NRCAM: variants seen among roughly 807,000 people sequenced by gnomAD.
The protein encoded by NRCAM is NgCAM-related cell adhesion molecule.
Under a neutral mutation model 156.5 loss-of-function variants are expected in NRCAM, and 83 were observed. That is an observed-to-expected ratio of 0.53 (90% CI 0.44 to 0.64). The LOEUF (loss-of-function observed/expected upper bound fraction) is 0.64, where lower values mean the gene tolerates loss of function less well. Ranked by LOEUF, NRCAM falls within the 30% of genes least tolerant of loss-of-function variation. The pLI, the probability that NRCAM is intolerant of heterozygous loss-of-function variation, is 0.00. For synonymous variants in NRCAM, 538 were observed against 563.9 expected, an observed-to-expected ratio of 0.95 and a Z score of 0.65; for missense variants, 1,417 against 1,597.3, an observed-to-expected ratio of 0.89 and a Z score of 1.92.
chr7:108,358,457 T>A (rs574650279), intron 2 of NRCAM, among the ~76,000 whole-genome samples: 15 of 128,854 alleles, frequency 1.2e-4, no homozygotes, highest in African/African-American at 3.6e-4. Context: ...CCAGTATTCC[T>A]ACGTATTTTT....
intron 2 of NRCAM, among the ~76,000 whole-genome samples, chr7:108,322,541 G>A (rs1443038705): frequency 1.3e-5 from 2 of 152,042 alleles, no homozygotes; most frequent in Non-Finnish European, 2.9e-5. Context: ...GAACCAAATG[G>A]AACTTTTTGA....
chr7:108,391,004 G>A (rs1382032860), intron 2 of NRCAM, among the ~76,000 whole-genome samples: 1 of 152,142 alleles, frequency 6.6e-6, no homozygotes, highest in African/African-American at 2.4e-5. Flanking sequence ...TATATGGTCA[G>A]TTTTGGAATA....
intron 30 of NRCAM, among the ~76,000 whole-genome samples, chr7:108,161,342 T>C (rs1007281751): frequency 2.0e-5 from 3 of 152,208 alleles, no homozygotes; most frequent in Non-Finnish European, 2.9e-5. Context: ...CCATCAGTCA[T>C]AATATGCAAA....
intron 2 of NRCAM, among the ~76,000 whole-genome samples, chr7:108,315,472 T>C (rs1183879209): frequency 6.6e-6 from 1 of 152,200 alleles, no homozygotes; most frequent in Non-Finnish European, 1.5e-5. Flanking sequence ...AGTTCTCCCA[T>C]TACAGCAGCC....
At chr7:108,152,730 A>G (rs559188613) in intron 32 of NRCAM, among the ~76,000 whole-genome samples, 42 of 152,282 alleles carry the variant, frequency 2.8e-4, no homozygotes, top group Admixed American at 9.8e-4. Context: ...GTTGCAGCAG[A>G]GACCGCGCGG....
At chr7:108,331,189 A>G (rs1042783994) in intron 2 of NRCAM, among the ~76,000 whole-genome samples, 1 of 152,132 alleles carries the variant, frequency 6.6e-6, no homozygotes, top group Non-Finnish European at 1.5e-5. Context: ...GCTTGAGCCC[A>G]GGGGTCCAAG....
chr7:108,238,792 T>G (rs563710936), intron 4 of NRCAM, among the ~76,000 whole-genome samples: 1 of 152,100 alleles, frequency 6.6e-6, no homozygotes, highest in East Asian at 1.9e-4. Flanking sequence ...ACTGGATGAA[T>G]TTTTTTTAAA....
In NRCAM at chr7:108,381,665, T is replaced by C. The variant is rs187401174; in HGVS notation, c.-174+17771A>G. Among the ~76,000 whole-genome samples the C allele has an allele frequency of 1.6e-3, 239 of 151,776 alleles. 1 individual carries two copies. In the Middle Eastern group the frequency reaches 0.017, roughly 11 times the overall value. Reference sequence around the variant, plus strand: ...ACCTCCGCCTCCCAGGTTCAAGAGATTCTCCTGCCTCAGGCTCCCAAGTAG... The same window carrying C: ...ACCTCCGCCTCCCAGGTTCAAGAGACTCTCCTGCCTCAGGCTCCCAAGTAG... On this transcript the variant is annotated intron_variant, in intron 2 of 32. Transcript: ENST00000379028.
At chr7:108,176,348 G>A (rs1352712782) in intron 27 of NRCAM, 82 bp downstream of exon 27, 3 of 1,259,090 alleles carry the variant, frequency 2.4e-6, no homozygotes, top group Non-Finnish European at 3.4e-6. Flanking sequence ...ACGTTCCATA[G>A]CAAGAAGGAA....
chr7:108,338,888 A>T (rs1348262189), intron 2 of NRCAM, among the ~76,000 whole-genome samples: 3 of 152,306 alleles, frequency 2.0e-5, no homozygotes, highest in East Asian at 1.9e-4. Context: ...CCTATAAAAA[A>T]TCCTTAACCC....
At chr7:108,290,017 C>T (rs2098238773) in intron 3 of NRCAM, among the ~76,000 whole-genome samples, 2 of 152,120 alleles carry the variant, frequency 1.3e-5, no homozygotes, top group Admixed American at 1.3e-4. Flanking sequence ...ACTTTTGGAG[C>T]AAGCCTATGG....
At chr7:108,166,582 C>T (rs1000956308) in intron 30 of NRCAM, among the ~76,000 whole-genome samples, 8 of 152,144 alleles carry the variant, frequency 5.3e-5, no homozygotes, top group African/African-American at 1.9e-4. Flanking sequence ...CTTTCATCTT[C>T]AAAAGCACTT....
At chr7:108,340,499 T>C (rs1367594212) in intron 2 of NRCAM, among the ~76,000 whole-genome samples, 5 of 152,114 alleles carry the variant, frequency 3.3e-5, no homozygotes, top group African/African-American at 1.2e-4. Flanking sequence ...GCCCGAGAGT[T>C]TGGCGATCTC....
At chr7:108,231,691 G>C (rs13223414) in intron 7 of NRCAM, among the ~76,000 whole-genome samples, 5,916 of 152,216 alleles carry the variant, frequency 0.039, 192 homozygotes, top group Non-Finnish European at 0.06. Flanking sequence ...TATTTCAGCA[G>C]TAGTTATTTC....
At chr7:108,215,814 T>C (rs993647026) in intron 11 of NRCAM, among the ~76,000 whole-genome samples, 19 of 151,496 alleles carry the variant, frequency 1.3e-4, no homozygotes, top group Admixed American at 1.3e-3. Flanking sequence ...TATTTGCACA[T>C]GAGGCTGGTC....
At chr7:108,296,855 C>T (rs1288200634) in intron 3 of NRCAM, among the ~76,000 whole-genome samples, 1 of 151,980 alleles carries the variant, frequency 6.6e-6, no homozygotes, top group African/African-American at 2.4e-5. Flanking sequence ...ATCCTTCTCC[C>T]CAAATAATCC....
chr7:108,254,545 A>G (rs989379513), intron 3 of NRCAM, among the ~76,000 whole-genome samples: 3 of 118,452 alleles, frequency 2.5e-5, no homozygotes, highest in Admixed American at 7.7e-5. Context: ...TGAAAAAACA[A>G]TTTTGCTTTT....
intron 17 of NRCAM, 130 bp downstream of exon 17, chr7:108,193,892 ATC>A: frequency 1.2e-6 from 1 of 815,122 alleles, no homozygotes; most frequent in East Asian, 2.7e-5. Flanking sequence ...GAAAATGCTT[ATC>A]TCTCTATTTT....
intron 2 of NRCAM, among the ~76,000 whole-genome samples, chr7:108,327,231 C>T (rs1257140271): frequency 1.3e-5 from 2 of 152,178 alleles, no homozygotes; most frequent in African/African-American, 4.8e-5. Flanking sequence ...AGGCATGCTG[C>T]TCAGTCTAGT....
Sources: allele counts gnomAD v4.1 joint callset (sites outside exome capture counted in the v4.1 genomes callset), GRCh38; gene constraint gnomAD v4.1.1; transcripts MANE v1.5; gene names NCBI Gene and HGNC (gene_info 2026-07-23, HGNC 2026-07-21).